Variants in KCNH5 observed in about 807,000 individuals in gnomAD.
The protein encoded by KCNH5 is voltage-gated delayed rectifier potassium channel KCNH5.
In KCNH5, 46 loss-of-function variants were observed where a neutral mutation model predicts 96.1. The ratio of observed to expected loss-of-function variants is 0.48; its 90% CI spans 0.38 to 0.61. KCNH5 has a LOEUF of 0.61. Ranked by LOEUF, KCNH5 falls within the 20% of genes least tolerant of loss-of-function variation. The pLI, the probability that KCNH5 is intolerant of heterozygous loss-of-function variation, is 0.00. For missense variants in KCNH5, 907 were observed against 1,225.8 expected (o/e 0.74, Z 3.88); for synonymous variants, 439 against 449.8 (o/e 0.98, Z 0.30).
chr14:62,902,417 T>G (rs1434489492), intron 7 of KCNH5, among the ~76,000 whole-genome samples: 1 of 152,112 alleles, frequency 6.6e-6, no homozygotes, highest in Non-Finnish European at 1.5e-5. Flanking sequence ...GGGATTTAAA[T>G]TGTACAATAA....
chr14:62,865,734 C>G (rs1888122750), intron 7 of KCNH5, among the ~76,000 whole-genome samples: 1 of 152,144 alleles, frequency 6.6e-6, no homozygotes, highest in African/African-American at 2.4e-5. Flanking sequence ...ACATAAAGTG[C>G]AAATGTATTG....
chr14:63,001,472 GA>G lies in KCNH5; in HGVS notation c.305-14del, dbSNP rs767722355. 7.5e-6 allele frequency: 12 copies of G among 1,605,616 alleles called. No homozygotes were observed. The highest frequency in any genetic ancestry group is 1.3e-5 in the African/African-American group (1 of 74,582). ...CAAACAGGGGTTCCTGTAACAGAAA[GA>G]AGTTGGGGAAAGGACATTAGAGTGT... On this transcript the variant is annotated splice_polypyrimidine_tract_variant and intron_variant, in intron 3 of 10. Coordinates refer to ENST00000322893, the MANE Select transcript of KCNH5 (RefSeq NM_139318.5).
At chr14:62,933,263 G>A (rs922248541) in intron 7 of KCNH5, among the ~76,000 whole-genome samples, 10 of 152,236 alleles carry the variant, frequency 6.6e-5, no homozygotes, top group African/African-American at 1.9e-4. Context: ...AAAAAAAATT[G>A]TGATAATGAC....
intron 7 of KCNH5, among the ~76,000 whole-genome samples, chr14:62,856,761 C>T (rs909973489): frequency 7.2e-5 from 11 of 151,850 alleles, no homozygotes; most frequent in South Asian, 2.1e-4. Flanking sequence ...GCATCTGCTA[C>T]GAGCCAGGCA....
At chr14:62,991,232 A>G (rs1453807173) in intron 4 of KCNH5, among the ~76,000 whole-genome samples, 1 of 152,106 alleles carries the variant, frequency 6.6e-6, no homozygotes, top group Admixed American at 6.6e-5. Context: ...TAAATATTTA[A>G]AATTTAAAGA....
intron 9 of KCNH5, among the ~76,000 whole-genome samples, chr14:62,783,379 A>C (rs1886258751): frequency 1.3e-5 from 2 of 152,236 alleles, no homozygotes; most frequent in Non-Finnish European, 1.5e-5. Flanking sequence ...AAAAAAGCCA[A>C]GCTTTTAAAG....
intron 7 of KCNH5, among the ~76,000 whole-genome samples, chr14:62,890,698 C>CAAAAAAA (rs1277209731): frequency 5.9e-4 from 33 of 55,884 alleles, no homozygotes; most frequent in African/African-American, 1.8e-3. Flanking sequence ...GACTCCGTCT[C>CAAAAAAA]AAAAAAAAAA....
In KCNH5 at chr14:62,704,125, C is replaced by T. The variant is rs2139895314; in HGVS notation, c.*3383G>A. The T allele has an allele frequency of 6.6e-6, 1 of 151,880 alleles. No individual in the cohort carries two copies. The highest frequency in any genetic ancestry group is 2.4e-5 in the African/African-American group (1 of 41,504). The allele number at this position is 151,880 out of a possible 1,614,324, so 9.4% of individuals were successfully genotyped here. The stretch of plus-strand genomic sequence containing the variant: ...TTAGTTAGCGGTCACAACTAATTTT[C>T]CTATTAAAGTGTTGAGTACAACAGA... On this transcript the variant is annotated 3_prime_UTR_variant, in exon 11 of 11. Coordinates refer to ENST00000322893, the MANE Select transcript of KCNH5 (RefSeq NM_139318.5).
At chr14:62,903,550 T>C (rs1295847210) in intron 7 of KCNH5, among the ~76,000 whole-genome samples, 2 of 152,202 alleles carry the variant, frequency 1.3e-5, no homozygotes, top group Non-Finnish European at 2.9e-5. Context: ...TTTGGTCAGA[T>C]AATATGTAAG....
chr14:62,719,120 TA>T (rs1288604913), intron 10 of KCNH5, among the ~76,000 whole-genome samples: 3 of 152,306 alleles, frequency 2.0e-5, no homozygotes, highest in African/African-American at 4.8e-5. Context: ...GTTCTAGAAT[TA>T]GATAATGGGG....
At chr14:62,973,507 T>G (rs1890447710) in intron 6 of KCNH5, among the ~76,000 whole-genome samples, 1 of 152,178 alleles carries the variant, frequency 6.6e-6, no homozygotes, top group Non-Finnish European at 1.5e-5. Context: ...TTCTGCTACA[T>G]GAAGACACAT....
At chr14:62,857,577 T>C (rs1887953806) in intron 7 of KCNH5, among the ~76,000 whole-genome samples, 1 of 152,140 alleles carries the variant, frequency 6.6e-6, no homozygotes, top group Non-Finnish European at 1.5e-5. Context: ...GTCCCAAAAC[T>C]GAAGAACTTG....
intron 2 of KCNH5, among the ~76,000 whole-genome samples, chr14:63,009,329 A>G (rs1305637454): frequency 6.6e-6 from 1 of 152,206 alleles, no homozygotes; most frequent in Non-Finnish European, 1.5e-5. Flanking sequence ...GAAGATAAAA[A>G]CAAACAAGCA....
intron 6 of KCNH5, among the ~76,000 whole-genome samples, chr14:62,977,363 A>AAAT (rs1319781755): frequency 6.6e-6 from 1 of 152,026 alleles, no homozygotes; most frequent in South Asian, 2.1e-4. Flanking sequence ...CTGTCACCAA[A>AAAT]AATAATAATA....
chr14:62,754,147 T>G (rs949218437), intron 10 of KCNH5, among the ~76,000 whole-genome samples: 1 of 152,222 alleles, frequency 6.6e-6, no homozygotes, highest in Non-Finnish European at 1.5e-5. Flanking sequence ...TTGGCTTATC[T>G]GTTTGTTTGC....
chr14:62,809,766 A>G (rs1886837378), intron 8 of KCNH5, among the ~76,000 whole-genome samples: 1 of 152,084 alleles, frequency 6.6e-6, no homozygotes, highest in African/African-American at 2.4e-5. Flanking sequence ...CTGGAGAGAG[A>G]AATATTATTT....
chr14:62,969,729 G>A (rs1169151080), intron 6 of KCNH5, among the ~76,000 whole-genome samples: 1 of 150,330 alleles, frequency 6.7e-6, no homozygotes. Context: ...TGTCCTGCAC[G>A]TGTATCCCAG....
chr14:63,037,966 C>T (rs1255363925), intron 1 of KCNH5, among the ~76,000 whole-genome samples: 1 of 152,130 alleles, frequency 6.6e-6, no homozygotes, highest in African/African-American at 2.4e-5. Flanking sequence ...AAGCTCTTGA[C>T]AACTGAAACA....
Position 62,744,682 on chromosome 14 carries a change from A to G in KCNH5, c.2019+35046T>C, listed in dbSNP as rs537923354. 2.6e-5 allele frequency among the ~76,000 whole-genome samples: 4 copies of G among 152,336 alleles called. No individual in the cohort carries two copies. The East Asian group carries it at 7.7e-4, about 29-fold the overall frequency. ...TTGCATATTATAGATTCGTAAGTAGATAAACTAAATGAAAATGGAGTGTCT... is the reference window on the plus strand; with the variant it reads ...TTGCATATTATAGATTCGTAAGTAGGTAAACTAAATGAAAATGGAGTGTCT... On this transcript the variant is annotated intron_variant, in intron 10 of 10. Transcript: ENST00000322893.
Sources: gnomAD v4.1 joint callset for allele counts (sites outside exome capture counted in the v4.1 genomes callset) on GRCh38, gnomAD v4.1.1 for gene constraint, MANE v1.5 for transcripts, NCBI Gene and HGNC (gene_info 2026-07-23, HGNC 2026-07-21) for gene names.